Variants in SPG7 observed in about 807,000 individuals in gnomAD.
The protein encoded by SPG7 is SPG7 matrix AAA peptidase subunit, paraplegin.
Under a neutral mutation model 81.9 loss-of-function variants are expected in SPG7, and 103 were observed. That is an observed-to-expected ratio of 1.26 (90% CI 1.07 to 1.48). The LOEUF (loss-of-function observed/expected upper bound fraction) is 1.48. Among genes scored for constraint, SPG7 ranks in the 40% most tolerant of loss-of-function variants. The probability of loss-of-function intolerance (pLI) is 0.00; values close to 1 mark genes in which losing one functional copy is unlikely to be tolerated. For synonymous variants in SPG7, 534 were observed against 444.2 expected, an observed-to-expected ratio of 1.20 and a Z score of -2.54; for missense variants, 1,241 against 1,087.3, an observed-to-expected ratio of 1.14 and a Z score of -1.99.
At chr16:89,526,697 C>T (rs1196336235) in intron 5 of SPG7, 9 of 497,376 alleles carry the variant, frequency 1.8e-5, no homozygotes, top group Non-Finnish European at 3.0e-5. Flanking sequence ...CCAAGGATAC[C>T]AGCACCTGAG....
intron 7 of SPG7, chr16:89,531,108 A>C (rs1597631972): frequency 2.0e-6 from 1 of 491,640 alleles, no homozygotes; most frequent in Non-Finnish European, 3.7e-6. Context: ...CCACATAAAC[A>C]CCTTAGCCAG....
chr16:89,540,327 G>C (rs190355315), intron 9 of SPG7: 1 of 152,144 alleles, frequency 6.6e-6, no homozygotes, highest in East Asian at 1.9e-4. Context: ...TGGGCCATAC[G>C]TGTGATCCCA....
chr16:89,526,264 T>C (rs757318282), intron 4 of SPG7, 65 bp from the exon 5 acceptor site: 3 of 1,599,850 alleles, frequency 1.9e-6, no homozygotes, highest in South Asian at 2.2e-5. Context: ...GGGCTCTCTG[T>C]TGACTGTAGG....
intron 9 of SPG7, chr16:89,541,460 C>A: frequency 2.1e-6 from 1 of 468,694 alleles, no homozygotes; most frequent in Non-Finnish European, 2.8e-6. Context: ...GGGGAGGTCT[C>A]CAGGGAGGAG....
At chr16:89,534,029 A>G (rs1329555587) in intron 9 of SPG7, among the ~76,000 whole-genome samples, 1 of 152,202 alleles carries the variant, frequency 6.6e-6, no homozygotes, top group East Asian at 1.9e-4. Context: ...GAATACGTTC[A>G]CATAGATTTA....
rs944114984 is a variant in SPG7, at chr16:89,523,643, G to A, written c.377-363G>A. The stretch of plus-strand genomic sequence containing the variant: ...GTCACCCAGGCTGGAGCACAGTGGC[G>A]CGATCACGGCTCACTGCAGCTTCAA... On this transcript the variant is annotated intron_variant, in intron 3 of 16. Coordinates refer to ENST00000645818, the MANE Select transcript of SPG7 (RefSeq NM_003119.4). 8 of 460,574 alleles carry A rather than the reference G, an allele frequency of 1.7e-5. No individual in the cohort carries two copies. In the Admixed American group the frequency reaches 1.9e-4, roughly 11 times the overall value. The allele number at this position is 460,574 out of a possible 1,614,324, so 28.5% of individuals were successfully genotyped here. A position where few individuals can be genotyped will look rare whatever the true frequency, so the allele number is the denominator to read the frequency against.
At chr16:89,556,771 CTGTCCTGGG>C (rs1158248700) in intron 16 of SPG7, 107 bp from the exon 17 acceptor site, 1 of 834,916 alleles carries the variant, frequency 1.2e-6, no homozygotes, top group African/African-American at 1.7e-5. Flanking sequence ...GGAAAGTGGC[CTGTCCTGGG>C]TGTCCTGCAC....
At position 89,526,878 on chromosome 16, in the gene SPG7, G is replaced by T. The variant is rs555388779; in HGVS notation, c.758+410G>T. ...TCAGCCCCCGACGTAGGATGCCGAA[G>T]TCTCAGCCCCCGACGTAGGATGCCG... On this transcript the variant is annotated intron_variant, in intron 5 of 16. Transcript: ENST00000645818. 20 of 279,246 alleles carry T rather than the reference G, an allele frequency of 7.2e-5. No homozygotes were observed. In the Admixed American group the frequency reaches 9.6e-4, roughly 13 times the overall value. The allele number at this position is 279,246 out of a possible 1,614,324, so 17.3% of individuals were successfully genotyped here. A position where few individuals can be genotyped will look rare whatever the true frequency, so the allele number is the denominator to read the frequency against.
At chr16:89,532,108 T>G (rs2058351701) in intron 8 of SPG7, 42 bp downstream of exon 8, 1 of 1,596,882 alleles carries the variant, frequency 6.3e-7, no homozygotes, top group African/African-American at 1.3e-5. Flanking sequence ...CTTGGCTGAC[T>G]ACCTGGCTCC....
chr16:89,536,838 T>C (rs760304987), intron 9 of SPG7: 2 of 1,613,996 alleles, frequency 1.2e-6, no homozygotes, highest in African/African-American at 2.7e-5. Flanking sequence ...CCTGCTCCTG[T>C]CTCACGGAGC....
intron 3 of SPG7, among the ~76,000 whole-genome samples, chr16:89,513,587 G>C (rs1001824181): frequency 6.6e-6 from 1 of 152,048 alleles, no homozygotes; most frequent in Non-Finnish European, 1.5e-5. Context: ...GAAAATAATT[G>C]GCCAGGCGTG....
At chr16:89,514,599 C>T (rs1021023983) in intron 3 of SPG7, 4 of 152,062 alleles carry the variant, frequency 2.6e-5, no homozygotes, top group Non-Finnish European at 5.9e-5. Flanking sequence ...TTCCTGGGTT[C>T]ATGCCATTCT....
chr16:89,530,954 G>C (rs893435650), intron 7 of SPG7, 146 bp downstream of exon 7: 5 of 1,059,846 alleles, frequency 4.7e-6, no homozygotes, highest in African/African-American at 3.1e-5. Context: ...GGGACACCAA[G>C]CAGGTGCTGG....
chr16:89,537,020 C>G, intron 9 of SPG7: 1 of 1,610,370 alleles, frequency 6.2e-7, no homozygotes, highest in Non-Finnish European at 8.5e-7. Context: ...CTTCCGCCCC[C>G]GGATTTGCTC....
intron 3 of SPG7, 49 bp downstream of exon 3, chr16:89,513,086 T>A: frequency 6.4e-7 from 1 of 1,556,628 alleles, no homozygotes; most frequent in South Asian, 1.2e-5. Context: ...TGGATGTCTT[T>A]ACATTTCTGT....
chr16:89,547,780 T>G, intron 11 of SPG7: 4 of 493,474 alleles, frequency 8.1e-6, no homozygotes, highest in Non-Finnish European at 1.5e-5. Flanking sequence ...GCCCGGCTAA[T>G]TTTTGTATTT....
chr16:89,553,217 G>T (rs2058654615), intron 14 of SPG7, 82 bp downstream of exon 14: 5 of 1,306,700 alleles, frequency 3.8e-6, no homozygotes, highest in Admixed American at 3.9e-5. Flanking sequence ...CATGCCATGG[G>T]GTGAATCTGG....
Position 89,509,013 on chromosome 16 carries a change from G to GA in SPG7, c.183+413_183+414insA, listed in dbSNP as rs1341385254. 4 of 462,954 alleles carry GA rather than the reference G, an allele frequency of 8.6e-6. No homozygotes were observed. The East Asian group carries it at 2.7e-4, about 31-fold the overall frequency. The allele number at this position is 462,954 out of a possible 1,614,324, so 28.7% of individuals were successfully genotyped here. ...TAGGGTGGTTATTGCCGAGTAGGGGGCCCAGAACGTTTCTGTGTCCGCAAA... is the reference window on the plus strand; with the variant it reads ...TAGGGTGGTTATTGCCGAGTAGGGGGACCCAGAACGTTTCTGTGTCCGCAAA... On this transcript the variant is annotated intron_variant, in intron 1 of 16. Transcript: ENST00000645818.
At chr16:89,541,495 T>C in intron 9 of SPG7, 1 of 242,336 alleles carries the variant, frequency 4.1e-6, no homozygotes, top group Non-Finnish European at 6.7e-6. Context: ...AGGGCGGTTC[T>C]GTGTCTTGAG....
Sources: allele counts gnomAD v4.1 joint callset (sites outside exome capture counted in the v4.1 genomes callset), GRCh38; gene constraint gnomAD v4.1.1; transcripts MANE v1.5; gene names NCBI Gene and HGNC (gene_info 2026-07-23, HGNC 2026-07-21).